Variants in AIM2 observed in about 807,000 individuals in gnomAD.
AIM2 encodes the protein interferon-inducible protein AIM2.
A neutral mutation model predicts 27.7 loss-of-function variants in AIM2; 30 were observed. That is an observed-to-expected ratio of 1.08 (90% CI 0.81 to 1.47). The LOEUF (loss-of-function observed/expected upper bound fraction) is 1.47, where lower values mean the gene tolerates loss of function less well. AIM2 is among the 40% of genes most tolerant of loss of function. The pLI, the probability that AIM2 is intolerant of heterozygous loss-of-function variation, is 0.00. For missense variants in AIM2, 358 were observed against 411.3 expected (o/e 0.87, Z 1.12); for synonymous variants, 141 against 145.3 (o/e 0.97, Z 0.21).
chr1:159,088,893 C>T (rs990813599), intron 1 of AIM2, among the ~76,000 whole-genome samples: 10 of 152,314 alleles, frequency 6.6e-5, no homozygotes, highest in African/African-American at 2.4e-4. Flanking sequence ...GTAAAAAATA[C>T]ATTTTGTTTC....
downstream of AIM2, among the ~76,000 whole-genome samples, chr1:159,058,923 A>T (rs955052131): frequency 2.6e-5 from 4 of 152,178 alleles, no homozygotes; most frequent in African/African-American, 9.7e-5. Flanking sequence ...GGTTCCATCC[A>T]GGAAGAGGAG....
intron 1 of AIM2, among the ~76,000 whole-genome samples, chr1:159,127,799 T>C (rs946707189): frequency 1.4e-4 from 22 of 152,300 alleles, no homozygotes; most frequent in Admixed American, 1.1e-3. Context: ...TCTCATAGCC[T>C]CCAGAACTGT....
intron 1 of AIM2, among the ~76,000 whole-genome samples, chr1:159,089,655 ACT>A (rs1657003057): frequency 6.6e-6 from 1 of 152,130 alleles, no homozygotes; most frequent in Non-Finnish European, 1.5e-5. Context: ...ACACAGGATC[ACT>A]CTGCTTAGTT....
chr1:159,061,189 T>G (rs1313189805), downstream of AIM2, among the ~76,000 whole-genome samples: 1 of 152,240 alleles, frequency 6.6e-6, no homozygotes, highest in Non-Finnish European at 1.5e-5. Context: ...TAATCTATTT[T>G]AATTTAAATT....
intron 1 of AIM2, among the ~76,000 whole-genome samples, chr1:159,086,120 T>C (rs1291012317): frequency 6.6e-6 from 1 of 152,176 alleles, no homozygotes; most frequent in Non-Finnish European, 1.5e-5. Context: ...CTAGGAAACA[T>C]CCAACAGATA....
chr1:159,062,254 A>G (rs532126808), downstream of AIM2, among the ~76,000 whole-genome samples: 11 of 152,348 alleles, frequency 7.2e-5, no homozygotes, highest in African/African-American at 2.6e-4. Flanking sequence ...CTATGGGACA[A>G]AATATACATC....
chr1:159,056,234 A>T, the AIM2 span, among the ~76,000 whole-genome samples: 1 of 152,024 alleles, frequency 6.6e-6, no homozygotes, highest in East Asian at 1.9e-4. Flanking sequence ...TGGCAGTTTG[A>T]ATTTCAGGTT....
At chr1:159,124,141 G>A (rs996295651) in intron 1 of AIM2, among the ~76,000 whole-genome samples, 2 of 151,940 alleles carry the variant, frequency 1.3e-5, no homozygotes, top group African/African-American at 4.8e-5. Flanking sequence ...ATTAATGCTT[G>A]TTCCTAATAT....
rs1371147073 is a variant in AIM2, at chr1:159,073,382, G to A, written c.118C>T (p.Leu40=). Residue 40 remains leucine (L), a synonymous_variant, in exon 2 of 6, where the codon CTA becomes TTA. Transcript: ENST00000368130. ...SDEFNIATGK[L]HTANRIQVAT... Reference sequence around the variant, plus strand: ...ACTTGTATTCTGTTTGCAGTATGTAGTTTGCCTGTGGCAATATTAAACTCG... The same window carrying A: ...ACTTGTATTCTGTTTGCAGTATGTAATTTGCCTGTGGCAATATTAAACTCG... The A allele has an allele frequency of 3.7e-6, 6 of 1,614,070 alleles. No homozygotes were observed. The highest frequency in any genetic ancestry group is 5.1e-6 in the Non-Finnish European group (6 of 1,180,046).
chr1:159,143,581 T>TACACACACACACACACAC (rs6143439), upstream of AIM2, among the ~76,000 whole-genome samples: 2 of 144,054 alleles, frequency 1.4e-5, no homozygotes, highest in African/African-American at 5.2e-5. Context: ...GCTCAGTGTG[T>TACACACACACACACACAC]ACACACACAC....
chr1:159,143,581 TACAC>T (rs6143439), upstream of AIM2, among the ~76,000 whole-genome samples: 6,338 of 144,034 alleles, frequency 0.044, 238 homozygotes, highest in African/African-American at 0.11. Context: ...GCTCAGTGTG[TACAC>T]ACACACACAC....
At chr1:159,115,280 T>C (rs1236973415) in intron 1 of AIM2, among the ~76,000 whole-genome samples, 1 of 152,186 alleles carries the variant, frequency 6.6e-6, no homozygotes, top group Non-Finnish European at 1.5e-5. Context: ...ATAGATTCAA[T>C]GCCATCCCCA....
At chr1:159,066,370 A>C in intron 3 of AIM2, 41 bp from the exon 4 acceptor site, 2 of 1,568,756 alleles carry the variant, frequency 1.3e-6, no homozygotes, top group Non-Finnish European at 1.7e-6. Context: ...TGAGTCAAAA[A>C]GGTACTATTG....
rs762422070 is a variant in AIM2 at position 159,073,465 on chromosome 1, G to C, written c.35C>G (p.Thr12Arg). Residue 12 changes from threonine to arginine, a missense_variant, in exon 2 of 6, where the codon ACA becomes AGA. Transcript: ENST00000368130. ...CTCATCAGTGATGTTATCCAGGCCTGTTAGCAAGAGTATCTCCTTGTATTT... is the reference window on the plus strand; with the variant it reads ...CTCATCAGTGATGTTATCCAGGCCTCTTAGCAAGAGTATCTCCTTGTATTT... ...ESKYKEILLL[T>R]GLDNITDEEL... 8.1e-6 allele frequency: 13 copies of C among 1,613,988 alleles called. No individual in the cohort carries two copies. Among genetic ancestry groups the C allele is most frequent in the Non-Finnish European group, 1.1e-5 (13 of 1,180,014 alleles).
chr1:159,102,182 G>T (rs1657327956), intron 1 of AIM2, among the ~76,000 whole-genome samples: 1 of 152,238 alleles, frequency 6.6e-6, no homozygotes, highest in Non-Finnish European at 1.5e-5. Flanking sequence ...CCATTGTACA[G>T]CTCAATCCAG....
chr1:159,077,330 G>C (rs180763959), upstream of AIM2, among the ~76,000 whole-genome samples: 2 of 152,228 alleles, frequency 1.3e-5, no homozygotes, highest in Admixed American at 1.3e-4. Flanking sequence ...GGCAATTCCC[G>C]GAATCGGGGT....
At chr1:159,115,648 T>C (rs922452950) in intron 1 of AIM2, among the ~76,000 whole-genome samples, 3 of 152,238 alleles carry the variant, frequency 2.0e-5, no homozygotes, top group Admixed American at 2.0e-4. Flanking sequence ...AAGCTGAAAC[T>C]GGATCCCTTC....
chr1:159,111,794 C>CAAA (rs1296847078), intron 1 of AIM2, among the ~76,000 whole-genome samples: 1,294 of 114,792 alleles, frequency 0.011, 112 homozygotes, highest in East Asian at 0.043. Flanking sequence ...CCCGTCTCTA[C>CAAA]AAAAAAAAAA....
At chr1:159,093,992 G>A (rs1034171824) in intron 1 of AIM2, among the ~76,000 whole-genome samples, 2 of 151,374 alleles carry the variant, frequency 1.3e-5, no homozygotes, top group South Asian at 2.1e-4. Context: ...CACCTGCCTC[G>A]GCCTCCTAAA....
Sources: allele counts gnomAD v4.1 joint callset (sites outside exome capture counted in the v4.1 genomes callset), GRCh38; gene constraint gnomAD v4.1.1; transcripts MANE v1.5; gene names NCBI Gene and HGNC (gene_info 2026-07-23, HGNC 2026-07-21).